The following GABBR1 variants were observed in gnomAD, a reference collection of about 807,000 sequenced individuals.
GABBR1 encodes the protein gamma-aminobutyric acid type B receptor subunit 1.
Under a neutral mutation model 117.7 loss-of-function variants are expected in GABBR1, and 35 were observed. The ratio of observed to expected loss-of-function variants is 0.30; its 90% CI spans 0.23 to 0.39. The LOEUF (loss-of-function observed/expected upper bound fraction) is 0.39. Among genes scored for constraint, GABBR1 ranks in the 10% least tolerant of loss-of-function variants. GABBR1 has a pLI of 1.00. For synonymous variants in GABBR1, 442 were observed against 486.6 expected (o/e 0.91, Z 1.21); for missense variants, 709 against 1,241.8 (o/e 0.57, Z 6.45).
At chr6:29,617,603 A>G (rs2127421947) in intron 11 of GABBR1, among the ~76,000 whole-genome samples, 1 of 152,236 alleles carries the variant, frequency 6.6e-6, no homozygotes, top group African/African-American at 2.4e-5. Flanking sequence ...CCCAGCCTCA[A>G]GTCCATATTT....
chr6:29,631,613 CG>C lies in GABBR1; in HGVS notation c.86-15del. On this transcript the variant is annotated splice_polypyrimidine_tract_variant and intron_variant, in intron 2 of 22. Transcript: ENST00000377034. The surrounding 1 kb of genome is among the most constrained non-coding windows in gnomAD (Gnocchi z 5.9). The stretch of plus-strand genomic sequence containing the variant: ...TGATCTGGCAACCTAAGGGGTGAGT[CG>C]GGGAGGCATACAGAGAGGAATGGTG... 6.2e-7 allele frequency: 1 copy of C among 1,612,308 alleles called. No homozygotes were observed. Among genetic ancestry groups the C allele is most frequent in the Non-Finnish European group, 8.5e-7 (1 of 1,178,558 alleles).
At chr6:29,619,778 T>C (rs2127427223) in intron 11 of GABBR1, among the ~76,000 whole-genome samples, 1 of 152,328 alleles carries the variant, frequency 6.6e-6, no homozygotes, top group South Asian at 2.1e-4. Flanking sequence ...TCCAATACTT[T>C]CCCAGGTTTT....
chr6:29,608,485 G>T, intron 16 of GABBR1, 116 bp downstream of exon 16: 1 of 1,114,174 alleles, frequency 9.0e-7, no homozygotes, highest in Non-Finnish European at 1.3e-6. Context: ...AAAGAACAGG[G>T]ACAAGAGTCA....
intron 13 of GABBR1, among the ~76,000 whole-genome samples, chr6:29,612,168 ATTTT>A (rs540730674): frequency 7.3e-6 from 1 of 137,596 alleles, no homozygotes; most frequent in Non-Finnish European, 1.6e-5. Context: ...CACCCAGCTA[ATTTT>A]TTTTTTTTTT....
chr6:29,623,915 G>A lies in GABBR1; in HGVS notation c.767C>T (p.Ala256Val), dbSNP rs907203508. The change falls in exon 7 of 23, where the codon GCT becomes GTT. Residue 256 changes from alanine to valine, a missense_variant. Physicochemically the swap from Ala to Val is moderately conservative, Grantham distance 64. Coordinates refer to ENST00000377034, the MANE Select transcript of GABBR1 (RefSeq NM_001470.4). This position sits in a 1 kb window ranked among gnomAD's most constrained non-coding sequence, Gnocchi z 6.2. ...CSSVSTLVAE[A>V]ARMWNLIVLS... is the part of the protein sequence containing the mutation. ...CACAATGAGGTTCCACATCCTAGCA[G>A]CCTCAGCCACCAGCGTGGAGACAGA... 1 of 1,612,810 alleles carries A rather than the reference G, an allele frequency of 6.2e-7. No individual in the cohort carries two copies. The highest frequency in any genetic ancestry group is 8.5e-7 in the Non-Finnish European group (1 of 1,179,952).
chr6:29,603,638 G>T lies in GABBR1; in HGVS notation c.2791C>A (p.Pro931Thr). The T allele has an allele frequency of 4.6e-6, 7 of 1,527,518 alleles. No homozygotes were observed. Among genetic ancestry groups the T allele is most frequent in the Non-Finnish European group, 5.3e-6 (6 of 1,142,466 alleles). 94.6% of individuals were successfully genotyped at this position (1,527,518 alleles called of 1,614,324 possible). A position where few individuals can be genotyped will look rare whatever the true frequency, so the allele number is the denominator to read the frequency against. Reference sequence around the variant, plus strand: ...GGCAGGCCCCCAGAGGGTTCTGGGGGTGTCGGTGGGTGGCGCCGGGAGCGG... The same window carrying T: ...GGCAGGCCCCCAGAGGGTTCTGGGGTTGTCGGTGGGTGGCGCCGGGAGCGG... ...QLRSRRHPPT[P>T]PEPSGGLPRG... The change falls in exon 23 of 23, where the codon CCC becomes ACC. Residue 931 changes from proline to threonine, a missense_variant. Around this residue, in one of 9 missense-constraint regions of GABBR1, gnomAD observed 69 missense variants for 64.3 expected, o/e 1.07. Coordinates refer to ENST00000377034, the MANE Select transcript of GABBR1 (RefSeq NM_001470.4).
intron 11 of GABBR1, among the ~76,000 whole-genome samples, chr6:29,616,131 G>A (rs369301158): frequency 1.3e-5 from 2 of 152,194 alleles, no homozygotes; most frequent in Non-Finnish European, 2.9e-5. Flanking sequence ...AACCTGGGAG[G>A]CGGAGGTTGC....
chr6:29,627,414 G>T lies in GABBR1; in HGVS notation c.657+72C>A, dbSNP rs1764382851. On this transcript the variant is annotated intron_variant, in intron 6 of 22. Transcript: ENST00000377034. The surrounding 1 kb of genome is among the most constrained non-coding windows in gnomAD (Gnocchi z 4.4). ...TCCCAGAGACGACTCAGACAGATGG[G>T]GGCGCGTGCAGCTGGCTGGCCCCCT... 5 of 1,446,734 alleles carry T rather than the reference G, an allele frequency of 3.5e-6. No individual in the cohort carries two copies. Among genetic ancestry groups the T allele is most frequent in the Admixed American group, 2.2e-5 (1 of 46,354 alleles). The allele number at this position is 1,446,734 out of a possible 1,614,324, so 89.6% of individuals were successfully genotyped here. A position where few individuals can be genotyped will look rare whatever the true frequency, so the allele number is the denominator to read the frequency against.
chr6:29,630,320 G>T lies in GABBR1; in HGVS notation c.475+138C>A. ...TTGAGGCAGGTGATGGAGGAAAAAG[G>T]GACTTTCATCTCCCCTTTCCAGTGT... On this transcript the variant is annotated intron_variant, in intron 4 of 22. Coordinates refer to ENST00000377034, the MANE Select transcript of GABBR1 (RefSeq NM_001470.4). The surrounding 1 kb of genome is among the most constrained non-coding windows in gnomAD (Gnocchi z 4.9). 1.4e-6 allele frequency: 1 copy of T among 718,036 alleles called. No individual in the cohort carries two copies. The highest frequency in any genetic ancestry group is 2.3e-6 in the Non-Finnish European group (1 of 442,172). The allele number at this position is 718,036 out of a possible 1,614,324, so 44.5% of individuals were successfully genotyped here.
rs1765014326 is a variant in GABBR1, at chr6:29,631,887, TATG to T, written c.86-291_86-289del. On this transcript the variant is annotated intron_variant, in intron 2 of 22. Coordinates refer to ENST00000377034, the MANE Select transcript of GABBR1 (RefSeq NM_001470.4). The surrounding 1 kb of genome is among the most constrained non-coding windows in gnomAD (Gnocchi z 5.9). The stretch of plus-strand genomic sequence containing the variant: ...AAAGTAATTAAGAAATCATGAAGGG[TATG>T]ATATGTGGGTGGAGCTTTTCTTTAA... 6.7e-6 allele frequency among the ~76,000 whole-genome samples: 1 copy of T among 150,054 alleles called. No homozygotes were observed. The highest frequency in any genetic ancestry group is 1.5e-5 in the Non-Finnish European group (1 of 67,590).
chr6:29,605,605 A>T lies in GABBR1; in HGVS notation c.2403T>A (p.Asp801Glu). The T allele has an allele frequency of 6.2e-7, 1 of 1,613,072 alleles. No individual in the cohort carries two copies. Among genetic ancestry groups the T allele is most frequent in the East Asian group, 2.2e-5 (1 of 44,880 alleles). ...TKSVSTEKIN[D>E]HRAVGMAIYN... ...AGATAGCCATGCCCACAGCCCGGTG[A>T]TCATTGATCTTCTCAGTGGACACAC... is the stretch of plus-strand genomic sequence containing the variant. Residue 801 changes from aspartate (D) to glutamate (E), a missense_variant, in exon 20 of 23, where the codon GAT (aspartate) becomes GAA (glutamate). Around this residue, in one of 9 missense-constraint regions of GABBR1, gnomAD observed 251 missense variants for 445.3 expected, o/e 0.56. Transcript: ENST00000377034. This position sits in a 1 kb window ranked among gnomAD's most constrained non-coding sequence, Gnocchi z 4.2.
chr6:29,609,357 C>A lies in GABBR1; in HGVS notation c.1731G>T (p.Gln577His). The A allele has an allele frequency of 6.2e-7, 1 of 1,612,896 alleles. No homozygotes were observed. Among genetic ancestry groups the A allele is most frequent in the Non-Finnish European group, 8.5e-7 (1 of 1,180,010 alleles). Residue 577 changes from glutamine to histidine, a missense_variant, in exon 15 of 23, where the codon CAG becomes CAT. Coordinates refer to ENST00000377034, the MANE Select transcript of GABBR1 (RefSeq NM_001470.4). The surrounding 1 kb of genome is among the most constrained non-coding windows in gnomAD (Gnocchi z 4.3). ...KWIGGSPPAD[Q>H]TLVIKTFRFL... ...AGCGGAATGTCTTGATGACCAGGGT[C>A]TGGTCAGCTGGGGGGGACCCTCCTG... is the stretch of plus-strand genomic sequence containing the variant.
In GABBR1 at chr6:29,620,694, A is replaced by G. The variant is rs947883497; in HGVS notation, c.1323+407T>C. 7.9e-5 allele frequency among the ~76,000 whole-genome samples: 12 copies of G among 152,204 alleles called. No homozygotes were observed. The highest frequency in any genetic ancestry group is 2.9e-4 in the African/African-American group (12 of 41,434). The stretch of plus-strand genomic sequence containing the variant: ...TGAGTGAATATTAAGCAACTCTAAA[A>G]CACTAACATAAATCACCAAGAAAAT... On this transcript the variant is annotated intron_variant, in intron 11 of 22. Transcript: ENST00000377034. The surrounding 1 kb of genome is among the most constrained non-coding windows in gnomAD (Gnocchi z 4.5).
Position 29,627,216 on chromosome 6 carries a change from A to G in GABBR1, c.657+270T>C, listed in dbSNP as rs897147841. 1.3e-5 allele frequency among the ~76,000 whole-genome samples: 2 copies of G among 152,172 alleles called. No homozygotes were observed. The highest frequency in any genetic ancestry group is 4.8e-5 in the African/African-American group (2 of 41,520). The stretch of plus-strand genomic sequence containing the variant: ...CCACCACCAGTTTCTCCAAACCCCG[A>G]CACTTCTGCGAGACTCCCGCAGCGG... On this transcript the variant is annotated intron_variant, in intron 6 of 22. Transcript: ENST00000377034. The surrounding 1 kb of genome is among the most constrained non-coding windows in gnomAD (Gnocchi z 4.4).
rs115734092 is a variant in GABBR1 at position 29,618,848 on chromosome 6, A to G, written c.1323+2253T>C. Among the ~76,000 whole-genome samples the G allele has an allele frequency of 8.9e-3, 1,353 of 152,302 alleles. 25 individuals are homozygous for G. Among genetic ancestry groups the G allele is most frequent in the South Asian group, 0.059 (287 of 4,832 alleles). ...TGTGCTTTGTAGGATATTTAGAATCATCTTTGGCTTCTACACATTAGATAT... is the reference window on the plus strand; with the variant it reads ...TGTGCTTTGTAGGATATTTAGAATCGTCTTTGGCTTCTACACATTAGATAT... On this transcript the variant is annotated intron_variant, in intron 11 of 22. Coordinates refer to ENST00000377034, the MANE Select transcript of GABBR1 (RefSeq NM_001470.4).
rs1451144943 is a variant in GABBR1, at chr6:29,604,471, T to G, written c.2712+23A>C. ...AGCCTCCTGGACCACTCCAACACCC[T>G]ACCCTGACACCCACCCCCGCACCTC... On this transcript the variant is annotated intron_variant, in intron 22 of 22. Coordinates refer to ENST00000377034, the MANE Select transcript of GABBR1 (RefSeq NM_001470.4). The surrounding 1 kb of genome is among the most constrained non-coding windows in gnomAD (Gnocchi z 5.3). 6.2e-7 allele frequency: 1 copy of G among 1,613,174 alleles called. No homozygotes were observed. Among genetic ancestry groups the G allele is most frequent in the South Asian group, 1.1e-5 (1 of 91,064 alleles).
In GABBR1 at chr6:29,605,771, C is replaced by T; in HGVS notation, c.2312-75G>A. 1.3e-6 allele frequency: 2 copies of T among 1,549,840 alleles called. No individual in the cohort carries two copies. Among genetic ancestry groups the T allele is most frequent in the Non-Finnish European group, 8.7e-7 (1 of 1,146,246 alleles). On this transcript the variant is annotated intron_variant, in intron 19 of 22. Transcript: ENST00000377034. The surrounding 1 kb of genome is among the most constrained non-coding windows in gnomAD (Gnocchi z 4.2). ...TCACTCAATCCCCATCCCCTCTCTG[C>T]CCTTCACCTACTCTGAAATGGAAAG... is the stretch of plus-strand genomic sequence containing the variant.
At chr6:29,629,019 G>C in intron 5 of GABBR1, 68 bp downstream of exon 5, 2 of 1,582,772 alleles carry the variant, frequency 1.3e-6, no homozygotes, top group East Asian at 2.2e-5. Context: ...CAGAATTTCA[G>C]GGGGGTGGAG....
Position 29,609,257 on chromosome 6 carries a change from AC to A in GABBR1, c.1830del (p.Ser611ProfsTer19). On this transcript the variant is annotated frameshift_variant, in exon 15 of 23. Transcript: ENST00000377034. LOFTEE classifies it high-confidence loss of function. This position sits in a 1 kb window ranked among gnomAD's most constrained non-coding sequence, Gnocchi z 4.3. ...SLGIVLAVVC[L>X]SFNIYNSHVR... ...ACATGTGAGTTGTAGATGTTAAAGG[AC>A]AGACAGACAACAGCTAGGACAATGC... 1 of 1,613,058 alleles carries A rather than the reference AC, an allele frequency of 6.2e-7. No homozygotes were observed.
Sources: allele counts gnomAD v4.1 joint callset (sites outside exome capture counted in the v4.1 genomes callset), GRCh38; gene constraint gnomAD v4.1.1; regional missense constraint gnomAD v4.1.1; non-coding constraint Gnocchi (gnomAD v3.1); transcripts MANE v1.5; gene names NCBI Gene and HGNC (gene_info 2026-07-23, HGNC 2026-07-21).